Variants in SLC10A7 observed in about 807,000 individuals in gnomAD.
SLC10A7 encodes the protein solute carrier family 10 member 7.
Under a neutral mutation model 43.2 loss-of-function variants are expected in SLC10A7, and 29 were observed. The observed-to-expected ratio is 0.67, with a 90% CI of 0.50 to 0.92. The LOEUF (loss-of-function observed/expected upper bound fraction) is 0.92. SLC10A7 is among the 40% of genes least tolerant of loss of function. SLC10A7 has a pLI of 0.00. For missense variants in SLC10A7, 295 were observed against 403.2 expected, an observed-to-expected ratio of 0.73 and a Z score of 2.30; for synonymous variants, 152 against 144.8, an observed-to-expected ratio of 1.05 and a Z score of -0.35.
At chr4:146,446,325 C>T (rs1731070631) in intron 4 of SLC10A7, among the ~76,000 whole-genome samples, 1 of 152,036 alleles carries the variant, frequency 6.6e-6, no homozygotes, top group Admixed American at 6.6e-5. Flanking sequence ...ACCTGTAATC[C>T]CAGCACTTTG....
chr4:146,276,112 G>A (rs757697179), intron 10 of SLC10A7, among the ~76,000 whole-genome samples: 3 of 152,054 alleles, frequency 2.0e-5, no homozygotes, highest in Non-Finnish European at 4.4e-5. Flanking sequence ...CAAACTTTTA[G>A]GCAGTCCAGA....
chr4:146,477,551 A>G (rs936017934), intron 4 of SLC10A7, among the ~76,000 whole-genome samples: 1 of 152,232 alleles, frequency 6.6e-6, no homozygotes, highest in African/African-American at 2.4e-5. Context: ...CCAATTTTGT[A>G]CATGTCTAAG....
chr4:146,407,230 G>A (rs927259835), intron 5 of SLC10A7, among the ~76,000 whole-genome samples: 1 of 152,142 alleles, frequency 6.6e-6, no homozygotes, highest in Non-Finnish European at 1.5e-5. Context: ...TTTTATTGAG[G>A]TATAATTGAT....
chr4:146,395,356 C>A (rs1287134420), intron 5 of SLC10A7, among the ~76,000 whole-genome samples: 1 of 152,162 alleles, frequency 6.6e-6, no homozygotes, highest in Non-Finnish European at 1.5e-5. Flanking sequence ...TGCCACTGCA[C>A]TACATTCTAG....
intron 5 of SLC10A7, among the ~76,000 whole-genome samples, chr4:146,418,855 G>C (rs988664632): frequency 1.3e-5 from 2 of 152,186 alleles, no homozygotes; most frequent in Admixed American, 6.5e-5. Flanking sequence ...CCAGGTTGTG[G>C]CTTGTGCTTC....
chr4:146,396,513 A>G (rs1263417253), intron 5 of SLC10A7, among the ~76,000 whole-genome samples: 5 of 152,156 alleles, frequency 3.3e-5, no homozygotes, highest in African/African-American at 1.2e-4. Context: ...CACCTTAAAT[A>G]TACTGCATAT....
chr4:146,283,222 A>G lies in SLC10A7; in HGVS notation c.817T>C (p.Phe273Leu). The change falls in exon 10 of 12, where the codon TTC becomes CTC. Residue 273 changes from phenylalanine to leucine, a missense_variant. By Grantham distance (22) the Phe-to-Leu change is conservative. Around this residue, in one of 2 missense-constraint regions of SLC10A7, gnomAD observed 242 missense variants for 362.5 expected, o/e 0.67. Transcript: ENST00000335472. ...FTPADTVAII[F>L]CSTHKSLTLG... ...GTAAGGGATTTGTGTGTAGAACAGA[A>G]AATGATAGCCACTGTGTCTGCTGGT... The G allele has an allele frequency of 6.2e-7, 1 of 1,613,464 alleles. No homozygotes were observed. Among genetic ancestry groups the G allele is most frequent in the South Asian group, 1.1e-5 (1 of 91,018 alleles).
rs1578787202 is a variant in SLC10A7, at chr4:146,286,362, A to G, written c.774-3097T>C. Among the ~76,000 whole-genome samples, 4 of 151,408 alleles carry G rather than the reference A, an allele frequency of 2.6e-5. No individual in the cohort carries two copies. In the East Asian group the frequency reaches 7.8e-4, roughly 29 times the overall value. ...AAGGACTGTGTTTGGAGTGGTGAGAAGGACTGAGTTTGGAGTGGTGAGAAG... is the reference window on the plus strand; with the variant it reads ...AAGGACTGTGTTTGGAGTGGTGAGAGGGACTGAGTTTGGAGTGGTGAGAAG... On this transcript the variant is annotated intron_variant, in intron 9 of 11. Transcript: ENST00000335472.
intron 5 of SLC10A7, among the ~76,000 whole-genome samples, chr4:146,433,418 G>C (rs11726588): frequency 0.81 from 122,887 of 152,028 alleles, 50,209 homozygotes; most frequent in African/African-American, 0.9. Context: ...AGAATAATTT[G>C]AAATGATCAA....
At chr4:146,370,737 C>T in intron 5 of SLC10A7, among the ~76,000 whole-genome samples, 1 of 152,178 alleles carries the variant, frequency 6.6e-6, no homozygotes, top group Middle Eastern at 3.2e-3. Context: ...TTAAACCACT[C>T]TTCTTACTTT....
chr4:146,480,875 A>G (rs1172675945), intron 4 of SLC10A7, among the ~76,000 whole-genome samples: 3 of 152,158 alleles, frequency 2.0e-5, no homozygotes, highest in Non-Finnish European at 4.4e-5. Flanking sequence ...ATGAATAAGC[A>G]ACTGCATATT....
intron 1 of SLC10A7, among the ~76,000 whole-genome samples, chr4:146,518,652 T>C (rs555212038): frequency 4.6e-5 from 7 of 152,194 alleles, no homozygotes; most frequent in South Asian, 2.1e-4. Context: ...TGAGGTCTTA[T>C]TGGATTAGGA....
chr4:146,386,962 C>G (rs1738049429), intron 5 of SLC10A7, among the ~76,000 whole-genome samples: 1 of 152,188 alleles, frequency 6.6e-6, no homozygotes, highest in African/African-American at 2.4e-5. Flanking sequence ...ACTACAAAAT[C>G]AATCAGCAAA....
intron 7 of SLC10A7, 96 bp downstream of exon 7, chr4:146,305,829 TC>T: frequency 9.8e-7 from 1 of 1,016,478 alleles, no homozygotes; most frequent in African/African-American, 1.7e-5. Flanking sequence ...ATTTATCTCC[TC>T]CCTCTGAATA....
intron 5 of SLC10A7, among the ~76,000 whole-genome samples, chr4:146,328,633 A>G (rs1733322366): frequency 6.6e-6 from 1 of 152,140 alleles, no homozygotes; most frequent in Non-Finnish European, 1.5e-5. Flanking sequence ...TCTGGGGTCC[A>G]TGGACTGGAC....
At chr4:146,471,597 G>T (rs534983987) in intron 4 of SLC10A7, among the ~76,000 whole-genome samples, 76 of 152,210 alleles carry the variant, frequency 5.0e-4, no homozygotes, top group Non-Finnish European at 8.1e-4. Context: ...CATATTAAAA[G>T]AATGATCTCA....
At chr4:146,319,635 C>G (rs1732561001) in intron 6 of SLC10A7, among the ~76,000 whole-genome samples, 1 of 151,928 alleles carries the variant, frequency 6.6e-6, no homozygotes, top group African/African-American at 2.4e-5. Flanking sequence ...AGAAATAACT[C>G]AGTATATATT....
chr4:146,273,503 C>T (rs1729018535), intron 10 of SLC10A7, among the ~76,000 whole-genome samples: 1 of 152,098 alleles, frequency 6.6e-6, no homozygotes, highest in African/African-American at 2.4e-5. Flanking sequence ...GTTAAAATAA[C>T]TATCTCGAAG....
chr4:146,500,613 A>G (rs1324983184), intron 4 of SLC10A7, among the ~76,000 whole-genome samples: 4 of 152,094 alleles, frequency 2.6e-5, no homozygotes, highest in African/African-American at 9.7e-5. Context: ...TCTTACATCA[A>G]TAGTTTCCTC....
Sources: allele counts gnomAD v4.1 joint callset (sites outside exome capture counted in the v4.1 genomes callset), GRCh38; gene constraint gnomAD v4.1.1; regional missense constraint gnomAD v4.1.1; transcripts MANE v1.5; gene names NCBI Gene and HGNC (gene_info 2026-07-23, HGNC 2026-07-21).